The following TAS1R1 variants were observed in gnomAD, a reference collection of about 807,000 sequenced individuals.
TAS1R1 encodes the protein taste 1 receptor member 1.
TAS1R1 carries 31 observed loss-of-function variants against 45.8 expected under a neutral mutation model. That is an observed-to-expected ratio of 0.68 (90% CI 0.51 to 0.91). The LOEUF (loss-of-function observed/expected upper bound fraction) is 0.91, where lower values mean the gene tolerates loss of function less well. Among genes scored for constraint, TAS1R1 ranks in the 40% least tolerant of loss-of-function variants. The pLI, the probability that TAS1R1 is intolerant of heterozygous loss-of-function variation, is 0.00. For missense variants in TAS1R1, 1,051 were observed against 1,063.9 expected (o/e 0.99, Z 0.17); for synonymous variants, 437 against 448.4 (o/e 0.97, Z 0.32).
chr1:6,558,838 C>T (rs1229542022), intron 1 of TAS1R1, among the ~76,000 whole-genome samples: 1 of 151,668 alleles, frequency 6.6e-6, no homozygotes, highest in Non-Finnish European at 1.5e-5. Context: ...CCTGCCTCAG[C>T]CTCCCAAGTA....
rs762802449 is a variant in TAS1R1, at chr1:6,578,835, G to A, written c.1777G>A (p.Asp593Asn). 1.9e-5 allele frequency: 30 copies of A among 1,612,830 alleles called. No homozygotes were observed. The highest frequency in any genetic ancestry group is 5.1e-6 in the Non-Finnish European group (6 of 1,179,366). ...TGCTGGCCTGTTTGCCTGGCACCTAGACACCCCTGTGGTGAGGTCAGCAGG... is the reference window on the plus strand; with the variant it reads ...TGCTGGCCTGTTTGCCTGGCACCTAAACACCCCTGTGGTGAGGTCAGCAGG... ...GTAGLFAWHLDTPVVRSAGGR... is the reference protein window; with the variant it reads ...GTAGLFAWHLNTPVVRSAGGR... The change falls in exon 6 of 6, where the codon GAC becomes AAC. Residue 593 changes from aspartate (D) to asparagine (N), a missense_variant. By Grantham distance (23) the Asp-to-Asn change is conservative. Coordinates refer to ENST00000333172, the MANE Select transcript of TAS1R1 (RefSeq NM_138697.4).
intron 1 of TAS1R1, among the ~76,000 whole-genome samples, chr1:6,559,733 T>A (rs559115953): frequency 1.5e-3 from 227 of 149,242 alleles, no homozygotes; most frequent in Non-Finnish European, 2.6e-3. Flanking sequence ...TTTGGGAGGC[T>A]GAAGCAGGTG....
intron 1 of TAS1R1, among the ~76,000 whole-genome samples, chr1:6,565,140 T>A (rs527568470): frequency 3.9e-5 from 6 of 152,234 alleles, no homozygotes; most frequent in African/African-American, 1.4e-4. Flanking sequence ...GAAATTAGAC[T>A]GCAGGTGATT....
chr1:6,555,401 G>T lies in TAS1R1; in HGVS notation c.28G>T (p.Gly10Cys). 1 of 1,603,238 alleles carries T rather than the reference G, an allele frequency of 6.2e-7. No homozygotes were observed. The highest frequency in any genetic ancestry group is 8.5e-7 in the Non-Finnish European group (1 of 1,176,374). Residue 10 changes from glycine to cysteine, a missense_variant, in exon 1 of 6, where the codon GGC becomes TGC. Physicochemically the swap from Gly to Cys is radical, Grantham distance 159 (BLOSUM62 -3). Coordinates refer to ENST00000333172, the MANE Select transcript of TAS1R1 (RefSeq NM_138697.4). The stretch of plus-strand genomic sequence containing the variant: ...GCTGCTCTGCACGGCTCGCCTGGTC[G>T]GCCTGCAGCTTCTCATTTCCTGCTG... MLLCTARLV[G>C]LQLLISCCWA...
chr1:6,556,385 TTCTATCTA>T (rs35268740), intron 1 of TAS1R1, among the ~76,000 whole-genome samples: 24 of 150,120 alleles, frequency 1.6e-4, no homozygotes, highest in Non-Finnish European at 3.3e-4. Flanking sequence ...TTTCTTTTAT[TTCTATCTA>T]TCTATCTATC....
At chr1:6,556,987 C>A (rs143027478) in intron 1 of TAS1R1, among the ~76,000 whole-genome samples, 1 of 126,822 alleles carries the variant, frequency 7.9e-6, no homozygotes, top group African/African-American at 3.1e-5. Context: ...CCAACCCGGG[C>A]GACAGAGCGA....
chr1:6,557,054 G>A (rs1639699993), intron 1 of TAS1R1, among the ~76,000 whole-genome samples: 1 of 149,612 alleles, frequency 6.7e-6, no homozygotes, highest in Non-Finnish European at 1.5e-5. Flanking sequence ...CTTGCAGACT[G>A]TGGAAGTCAC....
Position 6,579,715 on chromosome 1 carries a change from C to T in TAS1R1, c.*131C>T. The stretch of plus-strand genomic sequence containing the variant: ...GGGACGTGTAAGCGCCTGGGAGAGC[C>T]TAGACCAGGCTCCGGGCTGCCAATA... On this transcript the variant is annotated 3_prime_UTR_variant, in exon 6 of 6. Coordinates refer to ENST00000333172, the MANE Select transcript of TAS1R1 (RefSeq NM_138697.4). 6.3e-6 allele frequency: 8 copies of T among 1,261,716 alleles called. No individual in the cohort carries two copies. Among genetic ancestry groups the T allele is most frequent in the Non-Finnish European group, 7.5e-6 (7 of 937,920 alleles). The allele number at this position is 1,261,716 out of a possible 1,614,324, so 78.2% of individuals were successfully genotyped here. A position where few individuals can be genotyped will look rare whatever the true frequency, so the allele number is the denominator to read the frequency against.
intron 1 of TAS1R1, among the ~76,000 whole-genome samples, chr1:6,570,513 G>A (rs1557805819): frequency 2.7e-5 from 4 of 150,326 alleles, no homozygotes; most frequent in South Asian, 2.1e-4. Context: ...CCTCCAGACC[G>A]CCTTAGGACT....
intron 1 of TAS1R1, among the ~76,000 whole-genome samples, chr1:6,560,027 T>G (rs7522995): frequency 0.98 from 145,066 of 148,006 alleles, 71,171 homozygotes; most frequent in East Asian, 1. Flanking sequence ...AGCCGGGTGC[T>G]AATGGCTCAC....
rs1159843277 is a variant in TAS1R1, at chr1:6,574,333, A to G, written c.499-298A>G. Among the ~76,000 whole-genome samples, 2 of 152,146 alleles carry G rather than the reference A, an allele frequency of 1.3e-5. No homozygotes were observed. The highest frequency in any genetic ancestry group is 4.8e-5 in the African/African-American group (2 of 41,422). ...TACACATGCTTCTCTTCTTCCTTGC[A>G]AACTGCCTCCAGTGGAAGTCCCTGA... On this transcript the variant is annotated intron_variant, in intron 2 of 5. Transcript: ENST00000333172. This position sits in a 1 kb window ranked among gnomAD's most constrained non-coding sequence, Gnocchi z 4.3.
intron 1 of TAS1R1, among the ~76,000 whole-genome samples, chr1:6,560,068 G>A (rs550691467): frequency 2.6e-5 from 4 of 151,304 alleles, no homozygotes; most frequent in Non-Finnish European, 5.9e-5. Flanking sequence ...AGGCCAAGGC[G>A]GGCAGATCAC....
intron 1 of TAS1R1, among the ~76,000 whole-genome samples, chr1:6,569,723 G>T (rs1639961353): frequency 6.6e-6 from 1 of 152,168 alleles, no homozygotes; most frequent in Non-Finnish European, 1.5e-5. Flanking sequence ...TAGCCACTGA[G>T]ACAGGCGTCC....
intron 1 of TAS1R1, among the ~76,000 whole-genome samples, chr1:6,565,592 G>A (rs964624420): frequency 4.6e-5 from 7 of 152,112 alleles, no homozygotes; most frequent in East Asian, 1.9e-4. Flanking sequence ...GAGCAGGAGC[G>A]GTTACAAGGG....
At chr1:6,563,595 G>C (rs1639824483) in intron 1 of TAS1R1, among the ~76,000 whole-genome samples, 1 of 152,132 alleles carries the variant, frequency 6.6e-6, no homozygotes, top group Non-Finnish European at 1.5e-5. Flanking sequence ...AACATAGGTG[G>C]TAGTTGATAG....
At chr1:6,564,796 G>T (rs1042820967) in intron 1 of TAS1R1, among the ~76,000 whole-genome samples, 1 of 152,182 alleles carries the variant, frequency 6.6e-6, no homozygotes, top group African/African-American at 2.4e-5. Flanking sequence ...GCTTCTACCC[G>T]CTCAGAGAAG....
chr1:6,574,720 G>A lies in TAS1R1; in HGVS notation c.588G>A (p.Val196=). Reference sequence around the variant, plus strand: ...CCATCCCCAATGACAAGTACCAGGTGGAGACCATGGTGCTGCTGCTGCAGA... The same window carrying A: ...CCATCCCCAATGACAAGTACCAGGTAGAGACCATGGTGCTGCTGCTGCAGA... ...LRTIPNDKYQ[V]ETMVLLLQKF... The change falls in exon 3 of 6, where the codon GTG becomes GTA. Residue 196 remains valine (V), a synonymous_variant. Transcript: ENST00000333172. The surrounding 1 kb of genome is among the most constrained non-coding windows in gnomAD (Gnocchi z 4.3). The A allele has an allele frequency of 2.5e-6, 4 of 1,614,252 alleles. No individual in the cohort carries two copies. Among genetic ancestry groups the A allele is most frequent in the Non-Finnish European group, 3.4e-6 (4 of 1,180,044 alleles).
At chr1:6,565,897 G>C (rs1322566658) in intron 1 of TAS1R1, among the ~76,000 whole-genome samples, 3 of 152,198 alleles carry the variant, frequency 2.0e-5, no homozygotes, top group African/African-American at 7.2e-5. Flanking sequence ...ACTCTTAGAG[G>C]AGGGTGGGGG....
At position 6,576,429 on chromosome 1, in the gene TAS1R1, C is replaced by T. The variant is rs764168876; in HGVS notation, c.1275C>T (p.Ile425=). ...RVYPWQLLEQ[I]HKVHFLLHKD... ...GTTTCTTTCAGCTTTTGGAGCAGAT[C>T]CACAAGGTGCATTTCCTTCTACACA... Residue 425 remains isoleucine, a synonymous_variant, in exon 4 of 6, where the codon ATC becomes ATT. Coordinates refer to ENST00000333172, the MANE Select transcript of TAS1R1 (RefSeq NM_138697.4). 7.4e-6 allele frequency: 12 copies of T among 1,614,184 alleles called. No individual in the cohort carries two copies. The highest frequency in any genetic ancestry group is 8.5e-7 in the Non-Finnish European group (1 of 1,180,026).
Sources: gnomAD v4.1 joint callset for allele counts (sites outside exome capture counted in the v4.1 genomes callset) on GRCh38, gnomAD v4.1.1 for gene constraint, Gnocchi (gnomAD v3.1) non-coding constraint, MANE v1.5 for transcripts, NCBI Gene and HGNC (gene_info 2026-07-23, HGNC 2026-07-21) for gene names.